Variants in KATNIP observed in about 807,000 individuals in gnomAD.
The protein encoded by KATNIP is katanin-interacting protein.
In KATNIP, 126 loss-of-function variants were observed where a neutral mutation model predicts 174.0. The ratio of observed to expected loss-of-function variants is 0.72; its 90% CI spans 0.63 to 0.84. The LOEUF (loss-of-function observed/expected upper bound fraction) is 0.84. Ranked by LOEUF, KATNIP falls within the 40% of genes least tolerant of loss-of-function variation. KATNIP has a pLI of 0.00. For missense variants in KATNIP, 1,958 were observed against 2,109.7 expected, an observed-to-expected ratio of 0.93 and a Z score of 1.41; for synonymous variants, 810 against 835.7, an observed-to-expected ratio of 0.97 and a Z score of 0.53.
chr16:27,637,112 GTGTT>G lies in KATNIP; in HGVS notation c.408+5953_408+5956del. 6.6e-6 allele frequency among the ~76,000 whole-genome samples: 1 copy of G among 152,362 alleles called. No individual in the cohort carries two copies. The highest frequency in any genetic ancestry group is 2.1e-4 in the South Asian group (1 of 4,830). Reference sequence around the variant, plus strand: ...CAATTAATGAGGATCAGTGGGGTCTGTGTTTGGAGAGAAGCTGAAGCAGTGCCTG... The same window carrying G: ...CAATTAATGAGGATCAGTGGGGTCTGTGGAGAGAAGCTGAAGCAGTGCCTG... On this transcript the variant is annotated intron_variant, in intron 5 of 27. Coordinates refer to ENST00000261588, the MANE Select transcript of KATNIP (RefSeq NM_015202.5). This position sits in a 1 kb window ranked among gnomAD's most constrained non-coding sequence, Gnocchi z 4.7.
intron 1 of KATNIP, among the ~76,000 whole-genome samples, chr16:27,564,406 C>G (rs2090008029): frequency 6.6e-6 from 1 of 152,118 alleles, no homozygotes; most frequent in Admixed American, 6.6e-5. Context: ...TCCCCAGGCT[C>G]TTACCTAATT....
chr16:27,660,497 C>T (rs1435906603), intron 6 of KATNIP, among the ~76,000 whole-genome samples: 4 of 152,028 alleles, frequency 2.6e-5, no homozygotes, highest in Non-Finnish European at 4.4e-5. Context: ...TGCAGTGAGC[C>T]GAGATGGCAC....
chr16:27,747,843 C>G (rs114500984), intron 15 of KATNIP, among the ~76,000 whole-genome samples: 1 of 152,100 alleles, frequency 6.6e-6, no homozygotes, highest in Non-Finnish European at 1.5e-5. Flanking sequence ...AGGAGCGGGT[C>G]GCCTTCCTGT....
chr16:27,642,325 C>T (rs1479816067), intron 5 of KATNIP, among the ~76,000 whole-genome samples: 2 of 152,170 alleles, frequency 1.3e-5, no homozygotes, highest in Non-Finnish European at 2.9e-5. Context: ...AAAAACCAAA[C>T]ACCGCATGTT....
intron 2 of KATNIP, among the ~76,000 whole-genome samples, chr16:27,616,201 GTC>G (rs1362842552): frequency 6.6e-6 from 1 of 152,026 alleles, no homozygotes; most frequent in Non-Finnish European, 1.5e-5. Flanking sequence ...GTAAAACCCT[GTC>G]TCTACTAAAA....
In KATNIP at chr16:27,717,325, G is replaced by A. The variant is rs996283294; in HGVS notation, c.1606-4233G>A. 2.5e-4 allele frequency among the ~76,000 whole-genome samples: 38 copies of A among 152,242 alleles called. No individual in the cohort carries two copies. The Middle Eastern group carries it at 0.017, about 68-fold the overall frequency. On this transcript the variant is annotated intron_variant, in intron 13 of 27. Coordinates refer to ENST00000261588, the MANE Select transcript of KATNIP (RefSeq NM_015202.5). The stretch of plus-strand genomic sequence containing the variant: ...GAGGGCAGCGCAGTATCTCCCTGCA[G>A]GTTGCTATTCAGTGTTATGTTAATA...
At chr16:27,639,888 T>G (rs1372919789) in intron 5 of KATNIP, among the ~76,000 whole-genome samples, 1 of 152,070 alleles carries the variant, frequency 6.6e-6, no homozygotes, top group Non-Finnish European at 1.5e-5. Flanking sequence ...GATGAACACA[T>G]CAAGTCAGCC....
chr16:27,763,441 TAAAAAAAAAAAA>T (rs35206356), intron 19 of KATNIP, among the ~76,000 whole-genome samples: 4 of 68,186 alleles, frequency 5.9e-5, no homozygotes, highest in Non-Finnish European at 8.2e-5. Flanking sequence ...ATTGTGTCTC[TAAAAAAAAAAAA>T]AAAAAAAAAA....
chr16:27,625,768 G>T (rs1160656323), intron 3 of KATNIP, among the ~76,000 whole-genome samples: 2 of 151,834 alleles, frequency 1.3e-5, no homozygotes, highest in African/African-American at 4.8e-5. Context: ...TTCCACACTG[G>T]GTCCACAAAC....
chr16:27,770,055 G>C (rs768465637), intron 21 of KATNIP, 37 bp downstream of exon 21: 1 of 1,597,862 alleles, frequency 6.3e-7, no homozygotes, highest in Non-Finnish European at 8.6e-7. Flanking sequence ...AGCCCCTCCC[G>C]GCCCCTGGGC....
intron 6 of KATNIP, among the ~76,000 whole-genome samples, chr16:27,650,866 A>G (rs1446330300): frequency 2.0e-5 from 3 of 152,178 alleles, no homozygotes; most frequent in African/African-American, 7.2e-5. Flanking sequence ...GTTAAACAGT[A>G]GGCAAAATTG....
intron 1 of KATNIP, among the ~76,000 whole-genome samples, 182 bp downstream of exon 1, chr16:27,550,359 T>G (rs1243371016): frequency 2.6e-5 from 4 of 151,370 alleles, no homozygotes; most frequent in Non-Finnish European, 4.4e-5. Context: ...CCTGGGGGAG[T>G]GGTCAGTGCT....
At chr16:27,701,899 C>T (rs1225042121) in intron 11 of KATNIP, among the ~76,000 whole-genome samples, 1 of 152,168 alleles carries the variant, frequency 6.6e-6, no homozygotes, top group Non-Finnish European at 1.5e-5. Flanking sequence ...TTAAAATGAT[C>T]CTCCAGCCTC....
In KATNIP at chr16:27,751,913, G is replaced by T; in HGVS notation, c.3541G>T (p.Ala1181Ser). 1 of 1,609,312 alleles carries T rather than the reference G, an allele frequency of 6.2e-7. No homozygotes were observed. ...GCCCTTCACCCAGGCTGGCTTGGGG[G>T]CTGATGAACGGGTAGGACTGGAGCT... ...ERPFTQAGLG[A>S]DERIPELELP... Residue 1181 changes from alanine to serine, a missense_variant, in exon 17 of 28, where the codon GCT becomes TCT. Coordinates refer to ENST00000261588, the MANE Select transcript of KATNIP (RefSeq NM_015202.5).
chr16:27,778,641 G>A lies in KATNIP; in HGVS notation c.*12G>A. The A allele has an allele frequency of 6.8e-6, 11 of 1,613,112 alleles. No individual in the cohort carries two copies. The highest frequency in any genetic ancestry group is 9.3e-6 in the Non-Finnish European group (11 of 1,179,396). ...GACGGCGCTGCTGACTGGTGAAGGA[G>A]GGAGAGCTGGTCCTCCCACTATGGT... On this transcript the variant is annotated 3_prime_UTR_variant, in exon 28 of 28. Transcript: ENST00000261588.
intron 21 of KATNIP, among the ~76,000 whole-genome samples, chr16:27,770,789 C>T (rs998127507): frequency 6.6e-6 from 1 of 152,222 alleles, no homozygotes; most frequent in African/African-American, 2.4e-5. Context: ...CAGTATGATG[C>T]CCGTTTTACA....
At chr16:27,617,423 G>A (rs1054559988) in intron 2 of KATNIP, among the ~76,000 whole-genome samples, 4 of 152,192 alleles carry the variant, frequency 2.6e-5, no homozygotes, top group Admixed American at 1.3e-4. Context: ...GGGCTGACTC[G>A]GGTCATGGTT....
intron 6 of KATNIP, among the ~76,000 whole-genome samples, chr16:27,664,345 T>A (rs949882979): frequency 6.6e-6 from 1 of 152,226 alleles, no homozygotes; most frequent in Non-Finnish European, 1.5e-5. Flanking sequence ...TTCAAAAGAA[T>A]AATCATTCTC....
intron 8 of KATNIP, 92 bp downstream of exon 8, chr16:27,681,622 C>A: frequency 6.9e-7 from 1 of 1,457,314 alleles, no homozygotes; most frequent in Non-Finnish European, 9.6e-7. Flanking sequence ...CTTCATTACC[C>A]TCCTTGCAGA....
Sources: gnomAD v4.1 joint callset for allele counts (sites outside exome capture counted in the v4.1 genomes callset) on GRCh38, gnomAD v4.1.1 for gene constraint, Gnocchi (gnomAD v3.1) non-coding constraint, MANE v1.5 for transcripts, NCBI Gene and HGNC (gene_info 2026-07-23, HGNC 2026-07-21) for gene names.